PTPRT: variants seen among roughly 807,000 people sequenced by gnomAD.
PTPRT encodes receptor-type tyrosine-protein phosphatase T.
A neutral mutation model predicts 176.8 loss-of-function variants in PTPRT; 56 were observed. That is an observed-to-expected ratio of 0.32 (90% CI 0.26 to 0.40). The LOEUF (loss-of-function observed/expected upper bound fraction) is 0.40, where lower values mean the gene tolerates loss of function less well. Among genes scored for constraint, PTPRT ranks in the 10% least tolerant of loss-of-function variants. PTPRT has a pLI of 1.00. For missense variants in PTPRT, 1,540 were observed against 1,908.2 expected (o/e 0.81, Z 3.60); for synonymous variants, 783 against 739.0 (o/e 1.06, Z -0.96).
chr20:42,382,564 G>A (rs2058707156), intron 9 of PTPRT, among the ~76,000 whole-genome samples: 1 of 152,214 alleles, frequency 6.6e-6, no homozygotes, highest in Admixed American at 6.5e-5. Context: ...TGGGCCAGGT[G>A]GAGAGTGTCA....
At chr20:42,533,229 T>C (rs1365620956) in intron 7 of PTPRT, among the ~76,000 whole-genome samples, 1 of 152,180 alleles carries the variant, frequency 6.6e-6, no homozygotes, top group Non-Finnish European at 1.5e-5. Flanking sequence ...TTCACCAGCC[T>C]AATTTGATTC....
intron 9 of PTPRT, among the ~76,000 whole-genome samples, chr20:42,402,483 TAA>T (rs3061921): frequency 0.023 from 2,164 of 95,088 alleles, 55 homozygotes; most frequent in African/African-American, 0.079. Context: ...ATAGTGCAGT[TAA>T]AAAAAAAAAA....
intron 2 of PTPRT, among the ~76,000 whole-genome samples, chr20:42,837,420 C>T (rs866573046): frequency 2.8e-4 from 42 of 152,316 alleles, no homozygotes; most frequent in African/African-American, 9.4e-4. Context: ...GTGACACCTG[C>T]CCTAGTCCAC....
intron 17 of PTPRT, among the ~76,000 whole-genome samples, chr20:42,157,395 G>C (rs1011852135): frequency 6.6e-6 from 1 of 150,872 alleles, no homozygotes; most frequent in Non-Finnish European, 1.5e-5. Context: ...CCACAGGCTG[G>C]AGTATACTGG....
intron 17 of PTPRT, 22 bp downstream of exon 17, chr20:42,161,330 T>G: frequency 6.2e-7 from 1 of 1,613,696 alleles, no homozygotes; most frequent in African/African-American, 1.3e-5. Context: ...TCAGGAAGTT[T>G]CCCCACAGGC....
chr20:42,032,913 G>T, the PTPRT span, among the ~76,000 whole-genome samples: 1 of 152,180 alleles, frequency 6.6e-6, no homozygotes, highest in Non-Finnish European at 1.5e-5. Context: ...CCATATGAAT[G>T]AGCTTGGATG....
chr20:42,085,110 A>C (rs1983751581), intron 28 of PTPRT, among the ~76,000 whole-genome samples: 1 of 152,126 alleles, frequency 6.6e-6, no homozygotes, highest in African/African-American at 2.4e-5. Flanking sequence ...TTTCTTTAGG[A>C]AAGCCTTCCC....
intron 8 of PTPRT, among the ~76,000 whole-genome samples, chr20:42,453,602 G>A (rs775239576): frequency 4.0e-5 from 6 of 150,672 alleles, no homozygotes; most frequent in Non-Finnish European, 5.9e-5. Context: ...TTTCTCCATC[G>A]TTAAATAAAT....
chr20:42,311,670 G>C (rs1241902888), intron 12 of PTPRT, among the ~76,000 whole-genome samples: 1 of 151,762 alleles, frequency 6.6e-6, no homozygotes, highest in Non-Finnish European at 1.5e-5. Flanking sequence ...TTTCACAATG[G>C]AGCAAAACAA....
At chr20:43,130,861 T>C (rs1440172562) in intron 1 of PTPRT, among the ~76,000 whole-genome samples, 1 of 147,476 alleles carries the variant, frequency 6.8e-6, no homozygotes, top group Admixed American at 6.7e-5. Flanking sequence ...AAAAGCAATA[T>C]CTTTTTAAAA....
At chr20:42,487,356 T>C (rs561201611) in intron 7 of PTPRT, among the ~76,000 whole-genome samples, 9 of 152,158 alleles carry the variant, frequency 5.9e-5, no homozygotes, top group African/African-American at 2.2e-4. Flanking sequence ...TCAGACCACA[T>C]CCCTGCACAC....
At chr20:42,264,477 T>C (rs578106325) in intron 13 of PTPRT, among the ~76,000 whole-genome samples, 1 of 152,284 alleles carries the variant, frequency 6.6e-6, no homozygotes, top group African/African-American at 2.4e-5. Flanking sequence ...TACAGCCATA[T>C]GAGTAGTTGC....
chr20:43,183,322 G>A (rs960443615), intron 1 of PTPRT, among the ~76,000 whole-genome samples: 3 of 152,226 alleles, frequency 2.0e-5, no homozygotes, highest in East Asian at 1.9e-4. Context: ...GTTTTCTGCC[G>A]GGGACCAGGC....
At chr20:42,522,133 T>C (rs2072188106) in intron 7 of PTPRT, among the ~76,000 whole-genome samples, 1 of 150,638 alleles carries the variant, frequency 6.6e-6, no homozygotes, top group Admixed American at 6.7e-5. Flanking sequence ...TTAGCCTGTC[T>C]TGTAACTTTT....
chr20:42,141,813 A>C, intron 18 of PTPRT, 102 bp downstream of exon 18: 1 of 1,130,016 alleles, frequency 8.8e-7, no homozygotes, highest in Non-Finnish European at 1.3e-6. Context: ...TAGAGACAGC[A>C]AAGATTATTT....
intron 14 of PTPRT, among the ~76,000 whole-genome samples, chr20:42,244,195 A>C (rs1055749540): frequency 8.5e-5 from 13 of 152,234 alleles, no homozygotes; most frequent in African/African-American, 3.1e-4. Context: ...AATAAACAGG[A>C]CTAAAAATTT....
At chr20:42,571,963 T>C (rs1030870203) in intron 7 of PTPRT, among the ~76,000 whole-genome samples, 7 of 152,196 alleles carry the variant, frequency 4.6e-5, no homozygotes, top group African/African-American at 1.4e-4. Flanking sequence ...CTCTCCTGTA[T>C]TCGTTTGAGC....
chr20:42,492,647 G>GTGT (rs2071580924), intron 7 of PTPRT, among the ~76,000 whole-genome samples: 3 of 152,188 alleles, frequency 2.0e-5, no homozygotes, highest in Admixed American at 1.3e-4. Context: ...TGTAACCAAA[G>GTGT]TGTTGTTTAG....
At chr20:42,297,048 A>C (rs1347128480) in intron 12 of PTPRT, among the ~76,000 whole-genome samples, 2 of 152,202 alleles carry the variant, frequency 1.3e-5, no homozygotes, top group Non-Finnish European at 2.9e-5. Context: ...AAAAGGAAGG[A>C]ATGAAATAAG....
Sources: gnomAD v4.1 joint callset for allele counts (sites outside exome capture counted in the v4.1 genomes callset) on GRCh38, gnomAD v4.1.1 for gene constraint, MANE v1.5 for transcripts, NCBI Gene and HGNC (gene_info 2026-07-23, HGNC 2026-07-21) for gene names.